Variants in SGCD observed in about 807,000 individuals in gnomAD.
SGCD encodes sarcoglycan delta.
Under a neutral mutation model 36.6 loss-of-function variants are expected in SGCD, and 18 were observed. The observed-to-expected ratio is 0.49, with a 90% CI of 0.34 to 0.73. SGCD has a LOEUF of 0.73. SGCD is among the 30% of genes least tolerant of loss of function. SGCD has a pLI of 0.01. For synonymous variants in SGCD, 133 were observed against 130.6 expected, an observed-to-expected ratio of 1.02 and a Z score of -0.12; for missense variants, 387 against 346.7, an observed-to-expected ratio of 1.12 and a Z score of -0.92.
intron 6 of SGCD, among the ~76,000 whole-genome samples, chr5:156,613,784 A>G (rs552615394): frequency 1.2e-4 from 18 of 152,340 alleles, no homozygotes; most frequent in African/African-American, 4.3e-4. Context: ...TCTCCTGGTA[A>G]CTTTCAAATG....
At chr5:156,285,208 T>C (rs1447919896) in intron 3 of SGCD, among the ~76,000 whole-genome samples, 1 of 152,158 alleles carries the variant, frequency 6.6e-6, no homozygotes, top group Non-Finnish European at 1.5e-5. Flanking sequence ...TCCATGCTCA[T>C]GGGTAGGAAG....
chr5:156,284,282 A>G (rs1766533823), intron 3 of SGCD, among the ~76,000 whole-genome samples: 1 of 152,182 alleles, frequency 6.6e-6, no homozygotes, highest in African/African-American at 2.4e-5. Context: ...AAACTATTCC[A>G]ATCAATAGAA....
intron 1 of SGCD, among the ~76,000 whole-genome samples, chr5:155,934,700 A>T (rs964340657): frequency 6.6e-6 from 1 of 152,158 alleles, no homozygotes; most frequent in East Asian, 1.9e-4. Flanking sequence ...CCTGGTTTGG[A>T]AAACTCCTCA....
At chr5:156,643,751 A>G (rs1763127791) in intron 6 of SGCD, among the ~76,000 whole-genome samples, 1 of 152,070 alleles carries the variant, frequency 6.6e-6, no homozygotes, top group Admixed American at 6.5e-5. Flanking sequence ...TCCTTTCTCC[A>G]TTTTATAATC....
intron 1 of SGCD, among the ~76,000 whole-genome samples, chr5:156,013,303 G>C (rs1758899876): frequency 6.6e-6 from 1 of 152,206 alleles, no homozygotes; most frequent in Non-Finnish European, 1.5e-5. Context: ...GGGATTACAG[G>C]CATGAGCTAC....
intron 1 of SGCD, among the ~76,000 whole-genome samples, chr5:156,117,448 T>C (rs1761931129): frequency 6.6e-6 from 1 of 152,140 alleles, no homozygotes; most frequent in African/African-American, 2.4e-5. Context: ...AAATATCTTA[T>C]ATTTGTGTTT....
intron 4 of SGCD, among the ~76,000 whole-genome samples, chr5:156,547,731 T>A (rs1758638961): frequency 6.6e-6 from 1 of 152,098 alleles, no homozygotes; most frequent in African/African-American, 2.4e-5. Context: ...CACGAGCCGA[T>A]AATATCATTT....
At chr5:156,558,701 C>G (rs1165010304) in intron 4 of SGCD, among the ~76,000 whole-genome samples, 1 of 152,084 alleles carries the variant, frequency 6.6e-6, no homozygotes, top group Non-Finnish European at 1.5e-5. Flanking sequence ...CTGAGAATTA[C>G]TGACCTTTAA....
At chr5:156,006,871 C>T (rs896206682) in intron 1 of SGCD, among the ~76,000 whole-genome samples, 3 of 152,184 alleles carry the variant, frequency 2.0e-5, no homozygotes, top group Non-Finnish European at 2.9e-5. Context: ...TTCCCAATCC[C>T]CCTTTTTTGG....
chr5:155,957,497 A>G (rs1169401613), intron 1 of SGCD, among the ~76,000 whole-genome samples: 1 of 152,106 alleles, frequency 6.6e-6, no homozygotes, highest in East Asian at 1.9e-4. Flanking sequence ...TCAAAGTGTC[A>G]GGAAGGCTCC....
At chr5:156,531,948 A>G (rs1456092933) in intron 4 of SGCD, among the ~76,000 whole-genome samples, 1 of 152,050 alleles carries the variant, frequency 6.6e-6, no homozygotes, top group Non-Finnish European at 1.5e-5. Context: ...ATCTCTACTA[A>G]AAATACAAAA....
At chr5:156,610,975 A>T (rs1761774267) in intron 6 of SGCD, among the ~76,000 whole-genome samples, 2 of 151,898 alleles carry the variant, frequency 1.3e-5, no homozygotes, top group African/African-American at 4.8e-5. Context: ...GAATTCCCTG[A>T]CCCCTTGCGC....
chr5:156,678,994 G>A (rs770976607), intron 7 of SGCD, among the ~76,000 whole-genome samples: 16 of 152,278 alleles, frequency 1.1e-4, no homozygotes, highest in South Asian at 1.0e-3. Context: ...TAAAAGTTCA[G>A]ATGAGTCTGT....
chr5:156,362,570 C>A (rs1410995377), intron 3 of SGCD, among the ~76,000 whole-genome samples: 1 of 152,056 alleles, frequency 6.6e-6, no homozygotes, highest in Non-Finnish European at 1.5e-5. Context: ...CACTTGAACC[C>A]GGGAGGCAGA....
At chr5:155,936,599 A>C (rs1385973432) in intron 1 of SGCD, among the ~76,000 whole-genome samples, 1 of 152,190 alleles carries the variant, frequency 6.6e-6, no homozygotes, top group Non-Finnish European at 1.5e-5. Context: ...AAGGAGGTAC[A>C]TGGTGATTGG....
chr5:156,188,578 T>G (rs556760998), intron 3 of SGCD, among the ~76,000 whole-genome samples: 1 of 152,136 alleles, frequency 6.6e-6, no homozygotes, highest in South Asian at 2.1e-4. Context: ...ATTGGTAGTG[T>G]CTACTGTTGG....
chr5:155,781,890 A>G, the SGCD span, among the ~76,000 whole-genome samples: 2 of 152,164 alleles, frequency 1.3e-5, no homozygotes, highest in Admixed American at 1.3e-4. Flanking sequence ...CCACCCTTTC[A>G]TCCCATGAAA....
intron 4 of SGCD, among the ~76,000 whole-genome samples, chr5:156,568,302 T>G (rs1759577991): frequency 1.3e-5 from 2 of 152,184 alleles, no homozygotes; most frequent in African/African-American, 4.8e-5. Flanking sequence ...GAGAATCGCT[T>G]GAACCCGGGA....
chr5:156,632,706 C>T (rs1332139414), intron 6 of SGCD, among the ~76,000 whole-genome samples: 1 of 152,150 alleles, frequency 6.6e-6, no homozygotes, highest in Non-Finnish European at 1.5e-5. Context: ...AAAGTCTCTA[C>T]CAGGTTTCAG....
Sources: gnomAD v4.1 joint callset for allele counts (sites outside exome capture counted in the v4.1 genomes callset) on GRCh38, gnomAD v4.1.1 for gene constraint, MANE v1.5 for transcripts, NCBI Gene and HGNC (gene_info 2026-07-23, HGNC 2026-07-21) for gene names.